NECAB2: variants seen among roughly 807,000 people sequenced by gnomAD.
NECAB2 encodes N-terminal EF-hand calcium-binding protein 2.
In NECAB2, 68 loss-of-function variants were observed where a neutral mutation model predicts 51.9. The observed-to-expected ratio is 1.31, with a 90% CI of 1.08 to 1.60. The LOEUF is 1.60. Among genes scored for constraint, NECAB2 ranks in the 40% most tolerant of loss-of-function variants. NECAB2 has a pLI of 0.00. For synonymous variants in NECAB2, 329 were observed against 203.5 expected, an observed-to-expected ratio of 1.62 and a Z score of -5.25; for missense variants, 854 against 490.3, an observed-to-expected ratio of 1.74 and a Z score of -7.00.
Position 84,001,929 on chromosome 16 carries a change from G to C in NECAB2, c.1132+13G>C, listed in dbSNP as rs756782738. 1.2e-6 allele frequency: 2 copies of C among 1,612,778 alleles called. No individual in the cohort carries two copies. The highest frequency in any genetic ancestry group is 1.7e-6 in the Non-Finnish European group (2 of 1,179,236). On this transcript the variant is annotated intron_variant, in intron 12 of 12. Coordinates refer to ENST00000305202, the MANE Select transcript of NECAB2 (RefSeq NM_019065.3). ...ATCTTGGTGCCAGGTAGGGGGCAAA[G>C]GCCTGGAACTGCAGTGGCCACCTGA...
Position 83,994,415 on chromosome 16 carries a change from C to T in NECAB2, c.710C>T (p.Pro237Leu), listed in dbSNP as rs776471365. 5 of 1,614,108 alleles carry T rather than the reference C, an allele frequency of 3.1e-6. No homozygotes were observed. The highest frequency in any genetic ancestry group is 4.2e-6 in the Non-Finnish European group (5 of 1,179,954). ...LMAMEQGKTL[P>L]SATEDAKEEG... The stretch of plus-strand genomic sequence containing the variant: ...GCTATGGAACAAGGCAAGACCCTTC[C>T]ATCTGGTGAGAGAAAGCGGGGGCCC... The change falls in exon 7 of 13, where the codon CCA (proline) becomes CTA (leucine). Residue 237 changes from proline to leucine, a missense_variant. By Grantham distance (98) the Pro-to-Leu change is moderately conservative. Transcript: ENST00000305202.
chr16:83,978,944 G>C (rs56380039), intron 3 of NECAB2, among the ~76,000 whole-genome samples: 43,324 of 151,918 alleles, frequency 0.29, 11,195 homozygotes, highest in African/African-American at 0.7. Context: ...GAGGTTGAAC[G>C]TCATCCTAAC....
chr16:83,995,986 C>T (rs1480558423), intron 8 of NECAB2, among the ~76,000 whole-genome samples: 1 of 152,198 alleles, frequency 6.6e-6, no homozygotes, highest in African/African-American at 2.4e-5. Flanking sequence ...CCACGGAGTA[C>T]CTGGGCGTCC....
At chr16:83,998,038 T>C (rs2084743747) in intron 9 of NECAB2, among the ~76,000 whole-genome samples, 167 bp from the exon 10 acceptor site, 1 of 152,068 alleles carries the variant, frequency 6.6e-6, no homozygotes, top group African/African-American at 2.4e-5. Context: ...TTCTAGTCCT[T>C]TCTTAGCCCA....
rs146530926 is a variant in NECAB2, at chr16:83,980,967, G to A, written c.362-63G>A. 1,160 of 1,604,514 alleles carry A rather than the reference G, an allele frequency of 7.2e-4. 12 individuals are homozygous for A. In the African/African-American group the frequency reaches 0.014, roughly 20 times the overall value. On this transcript the variant is annotated intron_variant, in intron 4 of 12. Coordinates refer to ENST00000305202, the MANE Select transcript of NECAB2 (RefSeq NM_019065.3). ...GCTGGAGGTAGCGCAGGTGGGAGGT[G>A]CAGGAGTGCTGAGTGGGAGGGGCAG...
At chr16:83,980,906 G>C (rs1427851628) in intron 4 of NECAB2, 42 bp downstream of exon 4, 3 of 1,613,228 alleles carry the variant, frequency 1.9e-6, no homozygotes, top group Non-Finnish European at 2.5e-6. Flanking sequence ...GGGATGCTGG[G>C]ATGGGGCTGG....
At chr16:83,993,268 C>T (rs990912562) in intron 6 of NECAB2, 1 of 152,222 alleles carries the variant, frequency 6.6e-6, no homozygotes, top group African/African-American at 2.4e-5. Flanking sequence ...CTGAGGGATA[C>T]ATTTAATTTC....
At chr16:83,985,313 C>CAAAAAAAAAAAAAAAAAAAAAAAACA (rs2084539136) in intron 5 of NECAB2, among the ~76,000 whole-genome samples, 1 of 30,160 alleles carries the variant, frequency 3.3e-5, no homozygotes, top group African/African-American at 7.2e-5. Flanking sequence ...ATCTCTGTCT[C>CAAAAAAAAAAAAAAAAAAAAAAAACA]AAAAAAAAAA....
Position 83,998,336 on chromosome 16 carries a change from C to A in NECAB2, c.962+19C>A, listed in dbSNP as rs751486899. The A allele has an allele frequency of 4.3e-6, 7 of 1,609,374 alleles. No individual in the cohort carries two copies. The highest frequency in any genetic ancestry group is 3.3e-4 in the Middle Eastern group (2 of 6,042). Reference sequence around the variant, plus strand: ...GCTTCCAGTGAGTGAGCTGCCGAGGCGTGGGTGGGATGGTGGCAGGGAGCT... The same window carrying A: ...GCTTCCAGTGAGTGAGCTGCCGAGGAGTGGGTGGGATGGTGGCAGGGAGCT... On this transcript the variant is annotated intron_variant, in intron 10 of 12. Coordinates refer to ENST00000305202, the MANE Select transcript of NECAB2 (RefSeq NM_019065.3).
chr16:83,984,161 A>C (rs969315203), intron 5 of NECAB2, among the ~76,000 whole-genome samples: 2 of 151,664 alleles, frequency 1.3e-5, no homozygotes, highest in East Asian at 3.9e-4. Flanking sequence ...ACGCCTGGCT[A>C]ATTTTTTGTA....
intron 2 of NECAB2, among the ~76,000 whole-genome samples, chr16:83,976,236 G>C (rs2247451): frequency 0.31 from 46,430 of 152,166 alleles, 12,887 homozygotes; most frequent in African/African-American, 0.75. Context: ...AGGTGGCGAT[G>C]TCGCCACAAG....
intron 3 of NECAB2, among the ~76,000 whole-genome samples, chr16:83,978,774 A>G (rs1299777110): frequency 6.6e-6 from 1 of 152,058 alleles, no homozygotes; most frequent in Non-Finnish European, 1.5e-5. Flanking sequence ...CTGAGTGCAC[A>G]TGGCCAACTA....
chr16:83,980,778 G>C (rs1340836164), intron 3 of NECAB2, 61 bp from the exon 4 acceptor site: 1 of 1,538,618 alleles, frequency 6.5e-7, no homozygotes, highest in African/African-American at 1.4e-5. Context: ...GGCTGTGCAG[G>C]GTCAGGCCTG....
In NECAB2 at chr16:83,994,586, G is replaced by A. The variant is rs771015834; in HGVS notation, c.716-23G>A. 38 of 1,610,776 alleles carry A rather than the reference G, an allele frequency of 2.4e-5. No individual in the cohort carries two copies. In the South Asian group the frequency reaches 4.3e-4, roughly 18 times the overall value. ...CTCGTCCTGCCCACCACTGAAGTCT[G>A]TGTGTCTCTTTCTCTACCGCAGCCA... On this transcript the variant is annotated intron_variant, in intron 7 of 12. Transcript: ENST00000305202.
In NECAB2 at chr16:83,990,368, G is replaced by A. The variant is rs892037793; in HGVS notation, c.460-126G>A. On this transcript the variant is annotated intron_variant, in intron 5 of 12. Coordinates refer to ENST00000305202, the MANE Select transcript of NECAB2 (RefSeq NM_019065.3). The stretch of plus-strand genomic sequence containing the variant: ...AAGACTGGACCCCAGGAGGCCGTGG[G>A]GTCCTCCCTTCCCTTTGCAAAGCAA... The A allele has an allele frequency of 1.1e-4, 132 of 1,247,792 alleles. No individual in the cohort carries two copies. In the South Asian group the frequency reaches 1.7e-3, roughly 16 times the overall value. The allele number at this position is 1,247,792 out of a possible 1,614,324, so 77.3% of individuals were successfully genotyped here.
intron 8 of NECAB2, among the ~76,000 whole-genome samples, chr16:83,996,649 G>T (rs991897480): frequency 3.3e-5 from 5 of 152,138 alleles, no homozygotes; most frequent in Admixed American, 6.6e-5. Context: ...TGGCTTTCGT[G>T]CCTTCAGAGC....
intron 8 of NECAB2, 81 bp downstream of exon 8, chr16:83,994,769 A>G (rs1270072227): frequency 2.0e-6 from 3 of 1,502,394 alleles, no homozygotes; most frequent in Non-Finnish European, 2.8e-6. Flanking sequence ...TCAGGACAAA[A>G]GTCTGGGCTG....
chr16:83,998,335 G>C lies in NECAB2; in HGVS notation c.962+18G>C. 1 of 1,610,418 alleles carries C rather than the reference G, an allele frequency of 6.2e-7. No homozygotes were observed. The highest frequency in any genetic ancestry group is 8.5e-7 in the Non-Finnish European group (1 of 1,178,070). The stretch of plus-strand genomic sequence containing the variant: ...TGCTTCCAGTGAGTGAGCTGCCGAG[G>C]CGTGGGTGGGATGGTGGCAGGGAGC... On this transcript the variant is annotated intron_variant, in intron 10 of 12. Coordinates refer to ENST00000305202, the MANE Select transcript of NECAB2 (RefSeq NM_019065.3).
chr16:83,982,457 G>T lies in NECAB2; in HGVS notation c.459+1330G>T, dbSNP rs79971969. Reference sequence around the variant, plus strand: ...TAGGCGGTGGATTAGAAGGTAGCATGGGAAGATCCCAGGCTTCCGAGTCAC... The same window carrying T: ...TAGGCGGTGGATTAGAAGGTAGCATTGGAAGATCCCAGGCTTCCGAGTCAC... On this transcript the variant is annotated intron_variant, in intron 5 of 12. Transcript: ENST00000305202. 3.3e-4 allele frequency among the ~76,000 whole-genome samples: 51 copies of T among 152,296 alleles called. 1 individual carries two copies. In the East Asian group the frequency reaches 9.7e-3, roughly 29 times the overall value.
Sources: allele counts gnomAD v4.1 joint callset (sites outside exome capture counted in the v4.1 genomes callset), GRCh38; gene constraint gnomAD v4.1.1; transcripts MANE v1.5; gene names NCBI Gene and HGNC (gene_info 2026-07-23, HGNC 2026-07-21).